TLN2: variants seen among roughly 807,000 people sequenced by gnomAD.
TLN2 encodes talin 2, also known as talin-2.
A neutral mutation model predicts 294.7 loss-of-function variants in TLN2; 118 were observed. The observed-to-expected ratio is 0.40, with a 90% CI of 0.34 to 0.47. The LOEUF is 0.47. Among genes scored for constraint, TLN2 ranks in the 20% least tolerant of loss-of-function variants. TLN2 has a pLI of 0.84. For missense variants in TLN2, 3,083 were observed against 3,282.2 expected, an observed-to-expected ratio of 0.94 and a Z score of 1.48; for synonymous variants, 1,431 against 1,304.5, an observed-to-expected ratio of 1.10 and a Z score of -2.09.
intron 13 of TLN2, among the ~76,000 whole-genome samples, chr15:62,693,202 G>T (rs1026167614): frequency 1.3e-5 from 2 of 152,112 alleles, no homozygotes; most frequent in Non-Finnish European, 2.9e-5. Context: ...CGTGGTGGCA[G>T]GCGCCTGTAG....
At chr15:62,409,963 T>G (rs372527) in intron 1 of TLN2, among the ~76,000 whole-genome samples, 140,977 of 152,262 alleles carry the variant, frequency 0.93, 65,752 homozygotes, top group East Asian at 1. Flanking sequence ...GGGAGCTAGG[T>G]CCGGGTGCAG....
intron 1 of TLN2, among the ~76,000 whole-genome samples, chr15:62,426,402 A>C (rs55705742): frequency 0.012 from 1,830 of 152,338 alleles, 24 homozygotes; most frequent in South Asian, 0.047. Flanking sequence ...CCTCTAGTCT[A>C]GGAGCCAGGT....
intron 2 of TLN2, among the ~76,000 whole-genome samples, chr15:62,598,985 A>G (rs1410543508): frequency 6.6e-6 from 1 of 152,134 alleles, no homozygotes. Context: ...CTGTTACCAA[A>G]GAATTCTTCT....
intron 54 of TLN2, among the ~76,000 whole-genome samples, chr15:62,827,067 C>T (rs2068281281): frequency 2.7e-5 from 1 of 37,232 alleles, no homozygotes; most frequent in Non-Finnish European, 1.3e-4. Context: ...CAAAGCATTC[C>T]CTCAAAGTAA....
At chr15:62,619,819 G>C (rs1056392492) in intron 3 of TLN2, among the ~76,000 whole-genome samples, 2 of 152,182 alleles carry the variant, frequency 1.3e-5, no homozygotes, top group Non-Finnish European at 1.5e-5. Flanking sequence ...GGCATCTGTA[G>C]CTACGAGAGA....
intron 9 of TLN2, among the ~76,000 whole-genome samples, chr15:62,659,234 G>C (rs1401326280): frequency 6.6e-6 from 1 of 152,238 alleles, no homozygotes; most frequent in Non-Finnish European, 1.5e-5. Context: ...AGAAGCAGCA[G>C]AGAGAGAAGT....
intron 3 of TLN2, among the ~76,000 whole-genome samples, 149 bp downstream of exon 3, chr15:62,618,624 A>T (rs2048508015): frequency 6.6e-6 from 1 of 152,238 alleles, no homozygotes; most frequent in Admixed American, 6.5e-5. Context: ...GGAGGAAGGA[A>T]TGACAGAGTC....
intron 3 of TLN2, among the ~76,000 whole-genome samples, chr15:62,643,980 A>G (rs1017055672): frequency 1.3e-5 from 2 of 152,124 alleles, no homozygotes; most frequent in African/African-American, 4.8e-5. Flanking sequence ...GTTTACAGCA[A>G]CCATGTGATG....
At chr15:62,679,468 C>T (rs547203681) in intron 11 of TLN2, among the ~76,000 whole-genome samples, 16 of 152,246 alleles carry the variant, frequency 1.1e-4, no homozygotes, top group Admixed American at 2.6e-4. Context: ...TGCTACAACA[C>T]GGATAAACTT....
intron 1 of TLN2, among the ~76,000 whole-genome samples, chr15:62,542,420 G>C (rs957841713): frequency 2.0e-5 from 3 of 152,144 alleles, no homozygotes; most frequent in African/African-American, 7.2e-5. Context: ...TCGATCTCCT[G>C]ACCTCTTGAT....
intron 2 of TLN2, among the ~76,000 whole-genome samples, chr15:62,606,167 C>T (rs945119966): frequency 2.0e-5 from 3 of 152,050 alleles, no homozygotes; most frequent in African/African-American, 4.8e-5. Context: ...CTGCAACCTC[C>T]GCCTCCCAGG....
chr15:62,733,498 TC>T (rs1259215995), intron 28 of TLN2, among the ~76,000 whole-genome samples: 1 of 152,214 alleles, frequency 6.6e-6, no homozygotes, highest in Non-Finnish European at 1.5e-5. Context: ...GCCAATGCAG[TC>T]TTCAAAATAT....
chr15:62,505,044 C>A (rs552818731), intron 1 of TLN2, among the ~76,000 whole-genome samples: 10 of 152,314 alleles, frequency 6.6e-5, no homozygotes, highest in Non-Finnish European at 1.5e-4. Flanking sequence ...GCAACCTCCG[C>A]TTCCCAGGTT....
At chr15:62,824,360 A>G (rs2067845693) in intron 54 of TLN2, among the ~76,000 whole-genome samples, 1 of 152,228 alleles carries the variant, frequency 6.6e-6, no homozygotes, top group Non-Finnish European at 1.5e-5. Context: ...TCAGGATTAT[A>G]GCCTCAAACA....
chr15:62,573,982 G>A (rs571488624), intron 1 of TLN2, among the ~76,000 whole-genome samples: 121 of 152,166 alleles, frequency 8.0e-4, no homozygotes, highest in African/African-American at 2.8e-3. Context: ...TCAAAGGCGG[G>A]GAAAAGATGC....
rs147862885 is a variant in TLN2, at chr15:62,796,290, A to G, written c.6047A>G (p.His2016Arg). The change falls in exon 47 of 59, where the codon CAC becomes CGC. Residue 2016 changes from histidine (H) to arginine (R), a missense_variant. By Grantham distance (29) the His-to-Arg change is conservative. Transcript: ENST00000636159. ...NAENSETFAD[H>R]RENILKTAKA... is the part of the protein sequence containing the mutation. ...GAGAACAGTGAGACCTTCGCAGACC[A>G]CAGGTACGTGGGGGTCCTGGACGGG... 50 of 1,613,208 alleles carry G rather than the reference A, an allele frequency of 3.1e-5. No homozygotes were observed. The highest frequency in any genetic ancestry group is 4.0e-5 in the Non-Finnish European group (47 of 1,179,612).
intron 28 of TLN2, among the ~76,000 whole-genome samples, chr15:62,730,002 C>A (rs555783965): frequency 1.7e-4 from 25 of 148,410 alleles, no homozygotes; most frequent in African/African-American, 5.7e-4. Flanking sequence ...ACTTCATTTA[C>A]CTTTCTTTCA....
intron 57 of TLN2, among the ~76,000 whole-genome samples, chr15:62,836,843 C>T (rs1206419763): frequency 6.6e-6 from 1 of 152,198 alleles, no homozygotes; most frequent in Admixed American, 6.5e-5. Flanking sequence ...CAGTTGTAAT[C>T]ATGGCGAGAT....
rs773345004 is a variant in TLN2 at position 62,534,345 on chromosome 15, G to C, written c.-237-55342G>C. The stretch of plus-strand genomic sequence containing the variant: ...AGCACAGATTGTGGCCTGAGCTGCT[G>C]ACTGACAGGCTATATGCTGGGGGTT... On this transcript the variant is annotated intron_variant, in intron 1 of 58. Transcript: ENST00000636159. 2.0e-5 allele frequency among the ~76,000 whole-genome samples: 3 copies of C among 152,216 alleles called. No homozygotes were observed. The East Asian group carries it at 5.8e-4, about 29-fold the overall frequency.
Sources: allele counts gnomAD v4.1 joint callset (sites outside exome capture counted in the v4.1 genomes callset), GRCh38; gene constraint gnomAD v4.1.1; transcripts MANE v1.5; gene names NCBI Gene and HGNC (gene_info 2026-07-23, HGNC 2026-07-21).